Variants in DSP observed in about 807,000 individuals in gnomAD.
DSP encodes desmoplakin, also known as 250/210 kDa paraneoplastic pemphigus antigen.
In DSP, 114 loss-of-function variants were observed where a neutral mutation model predicts 290.6. That is an observed-to-expected ratio of 0.39 (90% confidence interval 0.34 to 0.46). DSP has a LOEUF of 0.46. Among genes scored for constraint, DSP ranks in the 20% least tolerant of loss-of-function variants. The pLI is 0.99. For missense variants in DSP, 3,230 were observed against 3,495.8 expected, an observed-to-expected ratio of 0.92 and a Z score of 1.92; for synonymous variants, 1,311 against 1,316.4, an observed-to-expected ratio of 1.00 and a Z score of 0.09.
chr6:7,574,024 A>C, intron 15 of DSP, 62 bp from the exon 16 acceptor site: 1 of 1,564,108 alleles, frequency 6.4e-7, no homozygotes, highest in Non-Finnish European at 8.8e-7. Context: ...TGTACACCTT[A>C]AATATATACA....
rs1060500615 is a variant in DSP, at chr6:7,577,834, T to A, written c.2933T>A (p.Ile978Lys). Residue 978 changes from isoleucine (I) to lysine (K), a missense_variant, in exon 21 of 24, where the codon ATA becomes AAA. Ile to Lys is a moderately radical substitution (Grantham distance 102). Around this residue, in one of 5 missense-constraint regions of DSP, gnomAD observed 1,714 missense variants for 1,844.5 expected, o/e 0.93. Transcript: ENST00000379802. ...YTSGLETLLN[I>K]PIKRTMIQSP... The stretch of plus-strand genomic sequence containing the variant: ...TCAGGACTGGAAACTCTGCTGAACA[T>A]ACCTATCAAGAGGACCATGATTCAG... 6.2e-6 allele frequency: 10 copies of A among 1,614,082 alleles called. No individual in the cohort carries two copies. The highest frequency in any genetic ancestry group is 6.8e-6 in the Non-Finnish European group (8 of 1,180,052).
At chr6:7,576,115 G>A (rs191129578) in intron 18 of DSP, among the ~76,000 whole-genome samples, 179 bp from the exon 19 acceptor site, 21 of 152,216 alleles carry the variant, frequency 1.4e-4, no homozygotes, top group Admixed American at 4.6e-4. Context: ...TGATACCTGA[G>A]TTGTTTCCAG....
At chr6:7,576,576 C>A in intron 19 of DSP, 120 bp downstream of exon 19, 1 of 1,319,566 alleles carries the variant, frequency 7.6e-7, no homozygotes, top group Non-Finnish European at 1.1e-6. Flanking sequence ...TATTACTAAC[C>A]CATTTTGTGA....
At position 7,585,613 on chromosome 6, in the gene DSP, C is replaced by T. The variant is rs1759636608; in HGVS notation, c.8351C>T (p.Ser2784Phe). The T allele has an allele frequency of 1.2e-6, 2 of 1,614,194 alleles. No homozygotes were observed. The highest frequency in any genetic ancestry group is 1.7e-6 in the Non-Finnish European group (2 of 1,180,042). The change falls in exon 24 of 24, where the codon TCC becomes TTC. Residue 2784 changes from serine to phenylalanine, a missense_variant. Physicochemically the swap from Ser to Phe is radical, Grantham distance 155 (BLOSUM62 -2). Around this residue, in one of 5 missense-constraint regions of DSP, gnomAD observed 582 missense variants for 555.4 expected, o/e 1.05. Transcript: ENST00000379802. ...LTCPKTKLKI[S>F]YKDAINRSMV... Reference sequence around the variant, plus strand: ...TGCCCCAAAACCAAATTAAAAATATCCTATAAGGATGCCATAAATCGCTCC... The same window carrying T: ...TGCCCCAAAACCAAATTAAAAATATTCTATAAGGATGCCATAAATCGCTCC...
At position 7,568,516 on chromosome 6, in the gene DSP, A is replaced by C. The variant is rs890202392; in HGVS notation, c.1346A>C (p.Lys449Thr). 1 of 1,614,168 alleles carries C rather than the reference A, an allele frequency of 6.2e-7. No individual in the cohort carries two copies. The highest frequency in any genetic ancestry group is 1.3e-5 in the African/African-American group (1 of 75,062). The change falls in exon 11 of 24, where the codon AAG becomes ACG. Residue 449 changes from lysine (K) to threonine (T), a missense_variant. Around this residue, in one of 5 missense-constraint regions of DSP, gnomAD observed 646 missense variants for 684.3 expected, o/e 0.94. Transcript: ENST00000379802. Reference sequence around the variant, plus strand: ...AAGTCTAAGAAGATTGTACAGCTGAAGCCTCGTAACCCAGACTACAGAAGC... The same window carrying C: ...AAGTCTAAGAAGATTGTACAGCTGACGCCTCGTAACCCAGACTACAGAAGC... ...VNKSKKIVQL[K>T]PRNPDYRSNK...
chr6:7,564,031 C>G (rs1431710055), intron 6 of DSP, among the ~76,000 whole-genome samples: 1 of 152,246 alleles, frequency 6.6e-6, no homozygotes, highest in Non-Finnish European at 1.5e-5. Context: ...CTCCTGACCT[C>G]AAGTGATCCG....
At chr6:7,574,558 C>A in intron 16 of DSP, 99 bp from the exon 17 acceptor site, 1 of 1,539,994 alleles carries the variant, frequency 6.5e-7, no homozygotes, top group Non-Finnish European at 9.0e-7. Context: ...TTTTTATCTG[C>A]TTTGACGTTG....
chr6:7,557,309 A>C (rs995901320), intron 2 of DSP, among the ~76,000 whole-genome samples: 1 of 152,252 alleles, frequency 6.6e-6, no homozygotes, highest in Non-Finnish European at 1.5e-5. Context: ...GACATCTTAT[A>C]TGATTATAGC....
intron 11 of DSP, among the ~76,000 whole-genome samples, chr6:7,568,853 C>T (rs915196981): frequency 6.6e-6 from 1 of 152,136 alleles, no homozygotes; most frequent in Admixed American, 6.5e-5. Flanking sequence ...TCAAAGTTGT[C>T]TGTGATCACT....
At position 7,584,364 on chromosome 6, in the gene DSP, T is replaced by C. The variant is rs1581823488; in HGVS notation, c.7102T>C (p.Leu2368=). The change falls in exon 24 of 24, where the codon TTA becomes CTA. Residue 2368 remains leucine (L), a synonymous_variant. Coordinates refer to ENST00000379802, the MANE Select transcript of DSP (RefSeq NM_004415.4). This position sits in a 1 kb window ranked among gnomAD's most constrained non-coding sequence, Gnocchi z 6.4. Reference sequence around the variant, plus strand: ...CGAAAAGGGCCACGGTATTCGCTTATTAGAAGCACAGATCGCAACCGGGGG... The same window carrying C: ...CGAAAAGGGCCACGGTATTCGCTTACTAGAAGCACAGATCGCAACCGGGGG... ...LIEKGHGIRL[L]EAQIATGGII... is the part of the protein sequence containing the mutation. 1.2e-6 allele frequency: 2 copies of C among 1,614,042 alleles called. No individual in the cohort carries two copies. The highest frequency in any genetic ancestry group is 1.7e-6 in the Non-Finnish European group (2 of 1,180,016).
intron 14 of DSP, 79 bp from the exon 15 acceptor site, chr6:7,571,763 A>G: frequency 6.6e-7 from 1 of 1,513,726 alleles, no homozygotes; most frequent in Admixed American, 1.7e-5. Context: ...ACTTTTAGGT[A>G]GTATGGATGT....
At position 7,582,187 on chromosome 6, in the gene DSP, A is replaced by G. The variant is rs1255862883; in HGVS notation, c.5380-455A>G. 2.0e-5 allele frequency among the ~76,000 whole-genome samples: 3 copies of G among 146,588 alleles called. No homozygotes were observed. Among genetic ancestry groups the G allele is most frequent in the African/African-American group, 7.4e-5 (3 of 40,384 alleles). On this transcript the variant is annotated intron_variant, in intron 23 of 23. Transcript: ENST00000379802. This position sits in a 1 kb window ranked among gnomAD's most constrained non-coding sequence, Gnocchi z 4.2. The stretch of plus-strand genomic sequence containing the variant: ...GTGTGTATATCTATATATTATATAT[A>G]TAATTATATAATTACATAATATATA...
At chr6:7,544,790 T>TC (rs544672708) in intron 1 of DSP, among the ~76,000 whole-genome samples, 11 of 152,280 alleles carry the variant, frequency 7.2e-5, no homozygotes, top group South Asian at 2.1e-4. Context: ...TCCCTCTTTT[T>TC]CCCCCGACCA....
chr6:7,569,230 C>A lies in DSP; in HGVS notation c.1464C>A (p.Asn488Lys). The change falls in exon 12 of 24, where the codon AAC (asparagine) becomes AAA (lysine). Residue 488 changes from asparagine to lysine, a missense_variant. Around this residue, in one of 5 missense-constraint regions of DSP, gnomAD observed 646 missense variants for 684.3 expected, o/e 0.94. Coordinates refer to ENST00000379802, the MANE Select transcript of DSP (RefSeq NM_004415.4). ...KGDECILKDN[N>K]ERSKWYVTGP... ...ATGAGTGTATCCTGAAGGACAACAA[C>A]GAGCGCAGCAAGTGGTACGTGACGG... 6.2e-7 allele frequency: 1 copy of A among 1,614,158 alleles called. No individual in the cohort carries two copies. Among genetic ancestry groups the A allele is most frequent in the Non-Finnish European group, 8.5e-7 (1 of 1,180,026 alleles).
intron 4 of DSP, 85 bp downstream of exon 4, chr6:7,559,485 G>T: frequency 1.9e-6 from 3 of 1,561,108 alleles, no homozygotes; most frequent in Non-Finnish European, 2.6e-6. Context: ...GTGTGACAAA[G>T]AGTCTTCTAG....
chr6:7,548,264 G>A (rs1248152842), intron 1 of DSP, among the ~76,000 whole-genome samples: 5 of 144,628 alleles, frequency 3.5e-5, no homozygotes, highest in Admixed American at 6.9e-5. Flanking sequence ...GAGACTCCGT[G>A]AAAAAAAAAA....
chr6:7,563,289 T>G (rs184517965), intron 5 of DSP, among the ~76,000 whole-genome samples: 371 of 151,562 alleles, frequency 2.4e-3, no homozygotes, highest in Non-Finnish European at 4.0e-3. Flanking sequence ...TTCCCGCAGG[T>G]CTCTACACTT....
At position 7,542,092 on chromosome 6, in the gene DSP, AC is replaced by A. The variant is rs918744351; in HGVS notation, c.170+9del. 12 of 1,555,926 alleles carry A rather than the reference AC, an allele frequency of 7.7e-6. No homozygotes were observed. Among genetic ancestry groups the A allele is most frequent in the Non-Finnish European group, 1.0e-5 (12 of 1,150,084 alleles). On this transcript the variant is annotated splice_region_variant and intron_variant, in intron 1 of 23. Transcript: ENST00000379802. ...AGAACTCGGACGGCTACTGGTGGGT[AC>A]CTGCCCGGAGAGCGCGGGCTGCGGG...
rs730880079 is a variant in DSP, at chr6:7,569,310, C to T, written c.1544C>T (p.Pro515Leu). 3 of 1,613,952 alleles carry T rather than the reference C, an allele frequency of 1.9e-6. No homozygotes were observed. Among genetic ancestry groups the T allele is most frequent in the East Asian group, 2.2e-5 (1 of 44,888 alleles). The change falls in exon 12 of 24, where the codon CCG becomes CTG. Residue 515 changes from proline to leucine, a missense_variant. Coordinates refer to ENST00000379802, the MANE Select transcript of DSP (RefSeq NM_004415.4). ...TCTGTGGGGCTGATCATCCCTCCTC[C>T]GAACCCACTGGCCGTGGACCTCTCT... ...VPSVGLIIPP[P>L]NPLAVDLSCK...
Sources: allele counts gnomAD v4.1 joint callset (sites outside exome capture counted in the v4.1 genomes callset), GRCh38; gene constraint gnomAD v4.1.1; regional missense constraint gnomAD v4.1.1; non-coding constraint Gnocchi (gnomAD v3.1); transcripts MANE v1.5; gene names NCBI Gene and HGNC (gene_info 2026-07-23, HGNC 2026-07-21).